CHSY3: variants seen among roughly 807,000 people sequenced by gnomAD.
CHSY3 encodes the protein N-acetylgalactosaminyl-proteoglycan 3-beta-glucuronosyltransferase 3.
A neutral mutation model predicts 67.2 loss-of-function variants in CHSY3; 35 were observed. That is an observed-to-expected ratio of 0.52 (90% CI 0.40 to 0.69). The LOEUF (loss-of-function observed/expected upper bound fraction) is 0.69. Ranked by LOEUF, CHSY3 falls within the 30% of genes least tolerant of loss-of-function variation. The pLI, the probability that CHSY3 is intolerant of heterozygous loss-of-function variation, is 0.00. For synonymous variants in CHSY3, 474 were observed against 434.7 expected, an observed-to-expected ratio of 1.09 and a Z score of -1.12; for missense variants, 1,069 against 1,138.5, an observed-to-expected ratio of 0.94 and a Z score of 0.88.
At chr5:129,990,897 G>A (rs1763343941) in intron 2 of CHSY3, among the ~76,000 whole-genome samples, 1 of 152,090 alleles carries the variant, frequency 6.6e-6, no homozygotes, top group African/African-American at 2.4e-5. Flanking sequence ...AGGACACCCA[G>A]GGGGTTGTGA....
rs563576455 is a variant in CHSY3, at chr5:129,926,975, T to C, written c.1086+18615T>C. ...GAGCATTTAACAGTATACCACAAAT[T>C]GGTTTTGTTGAAACCTAGGCGACCT... On this transcript the variant is annotated intron_variant, in intron 2 of 2. Coordinates refer to ENST00000305031, the MANE Select transcript of CHSY3 (RefSeq NM_175856.5). 2.6e-4 allele frequency among the ~76,000 whole-genome samples: 39 copies of C among 152,094 alleles called. No individual in the cohort carries two copies. In the South Asian group the frequency reaches 8.1e-3, roughly 31 times the overall value.
intron 2 of CHSY3, among the ~76,000 whole-genome samples, chr5:130,058,020 A>G (rs1250858823): frequency 6.6e-6 from 1 of 152,040 alleles, no homozygotes. Flanking sequence ...TATTTGAGTC[A>G]TCATTTCTCT....
intron 2 of CHSY3, among the ~76,000 whole-genome samples, chr5:130,086,598 A>C (rs1466471108): frequency 1.3e-5 from 2 of 152,140 alleles, no homozygotes; most frequent in Non-Finnish European, 2.9e-5. Context: ...CCTCTACGCA[A>C]ATAAACTAGA....
In CHSY3 at chr5:130,152,647, A is replaced by G. The variant is rs575901368; in HGVS notation, c.1087-31582A>G. On this transcript the variant is annotated intron_variant, in intron 2 of 2. Coordinates refer to ENST00000305031, the MANE Select transcript of CHSY3 (RefSeq NM_175856.5). ...GGAATACCTATAATTAAAACTATAC[A>G]TACAGCAATAGACACAAGTTTCCTT... is the stretch of plus-strand genomic sequence containing the variant. Among the ~76,000 whole-genome samples, 11 of 152,346 alleles carry G rather than the reference A, an allele frequency of 7.2e-5. No individual in the cohort carries two copies. In the South Asian group the frequency reaches 1.7e-3, roughly 23 times the overall value.
chr5:130,086,643 T>C (rs1369928868), intron 2 of CHSY3, among the ~76,000 whole-genome samples: 1 of 152,052 alleles, frequency 6.6e-6, no homozygotes, highest in Non-Finnish European at 1.5e-5. Context: ...CCTCGACACA[T>C]ACACCCTCCC....
chr5:130,105,799 G>T (rs1767394310), intron 2 of CHSY3, among the ~76,000 whole-genome samples: 1 of 151,566 alleles, frequency 6.6e-6, no homozygotes. Context: ...TGTAAAGCAA[G>T]ATTTTAAAAA....
At chr5:130,013,191 C>T (rs570777112) in intron 2 of CHSY3, among the ~76,000 whole-genome samples, 1 of 152,316 alleles carries the variant, frequency 6.6e-6, no homozygotes, top group African/African-American at 2.4e-5. Context: ...ACCTTTGTGG[C>T]TTTGCAGGGT....
intron 2 of CHSY3, among the ~76,000 whole-genome samples, chr5:129,996,371 G>T (rs1203713801): frequency 6.6e-6 from 1 of 152,142 alleles, no homozygotes; most frequent in Admixed American, 6.6e-5. Flanking sequence ...CACCAAATGT[G>T]AGTGTCTCAA....
chr5:130,015,487 T>A (rs1392976636), intron 2 of CHSY3, among the ~76,000 whole-genome samples: 1 of 151,744 alleles, frequency 6.6e-6, no homozygotes, highest in Non-Finnish European at 1.5e-5. Context: ...TGAAAAAAAA[T>A]GTTCAGCGTC....
At chr5:130,050,823 A>G (rs1765319986) in intron 2 of CHSY3, among the ~76,000 whole-genome samples, 2 of 152,208 alleles carry the variant, frequency 1.3e-5, no homozygotes, top group African/African-American at 4.8e-5. Context: ...AGCCAGCAGA[A>G]TTGTTACCAC....
At chr5:130,059,063 G>A (rs1580693635) in intron 2 of CHSY3, among the ~76,000 whole-genome samples, 1 of 152,104 alleles carries the variant, frequency 6.6e-6, no homozygotes, top group African/African-American at 2.4e-5. Flanking sequence ...GTTTTGTGAA[G>A]GTACCTTAAA....
intron 2 of CHSY3, among the ~76,000 whole-genome samples, chr5:130,037,438 ATTAT>A (rs1418252150): frequency 6.6e-6 from 1 of 152,138 alleles, no homozygotes; most frequent in East Asian, 1.9e-4. Context: ...AGTTGGAAAA[ATTAT>A]TTATAAAACA....
At chr5:129,966,713 T>C (rs145309177) in intron 2 of CHSY3, among the ~76,000 whole-genome samples, 2 of 151,892 alleles carry the variant, frequency 1.3e-5, no homozygotes, top group Non-Finnish European at 2.9e-5. Flanking sequence ...AAGTTCTGCT[T>C]TTATCCAGTG....
intron 2 of CHSY3, among the ~76,000 whole-genome samples, chr5:130,155,830 T>G (rs1769363104): frequency 6.6e-6 from 1 of 152,206 alleles, no homozygotes; most frequent in African/African-American, 2.4e-5. Context: ...TTAGTGAGAT[T>G]CTATTAAGCA....
intron 2 of CHSY3, among the ~76,000 whole-genome samples, chr5:130,040,484 CT>C (rs1465111910): frequency 1.3e-5 from 2 of 152,126 alleles, no homozygotes; most frequent in East Asian, 3.9e-4. Context: ...TCAAAACTGT[CT>C]TTCTTTGTCC....
chr5:129,974,575 A>G (rs1762742208), intron 2 of CHSY3, among the ~76,000 whole-genome samples: 1 of 152,108 alleles, frequency 6.6e-6, no homozygotes, highest in Admixed American at 6.5e-5. Flanking sequence ...ATAGTTCCTC[A>G]AGGCTGTCAA....
At chr5:130,030,060 T>C (rs1483259169) in intron 2 of CHSY3, among the ~76,000 whole-genome samples, 1 of 152,122 alleles carries the variant, frequency 6.6e-6, no homozygotes, top group Non-Finnish European at 1.5e-5. Flanking sequence ...TGATTTTTAA[T>C]TTTTTATTAT....
At chr5:129,926,058 A>G (rs973292704) in intron 2 of CHSY3, among the ~76,000 whole-genome samples, 5 of 151,980 alleles carry the variant, frequency 3.3e-5, no homozygotes, top group Admixed American at 1.3e-4. Flanking sequence ...TGTGTATTTT[A>G]TGTGATTTAC....
At chr5:130,142,253 G>A (rs756495251) in intron 2 of CHSY3, among the ~76,000 whole-genome samples, 5 of 152,294 alleles carry the variant, frequency 3.3e-5, no homozygotes, top group Non-Finnish European at 7.3e-5. Context: ...CTGAGGAGAT[G>A]GGGATCTTCA....
Sources: allele counts gnomAD v4.1 joint callset (sites outside exome capture counted in the v4.1 genomes callset), GRCh38; gene constraint gnomAD v4.1.1; transcripts MANE v1.5; gene names NCBI Gene and HGNC (gene_info 2026-07-23, HGNC 2026-07-21).